The following MUSK variants were observed in gnomAD, a reference collection of about 807,000 sequenced individuals.
MUSK encodes muscle associated receptor tyrosine kinase.
A neutral mutation model predicts 88.7 loss-of-function variants in MUSK; 55 were observed. That is an observed-to-expected ratio of 0.62 (90% CI 0.50 to 0.78). The LOEUF (loss-of-function observed/expected upper bound fraction) is 0.78. Ranked by LOEUF, MUSK falls within the 30% of genes least tolerant of loss-of-function variation. The probability of loss-of-function intolerance (pLI) is 0.00; values close to 1 mark genes in which losing one functional copy is unlikely to be tolerated. For synonymous variants in MUSK, 387 were observed against 391.9 expected, an observed-to-expected ratio of 0.99 and a Z score of 0.15; for missense variants, 1,015 against 1,074.3, an observed-to-expected ratio of 0.94 and a Z score of 0.77.
In MUSK at chr9:110,800,193, A is replaced by G. The variant is rs186009594; in HGVS notation, c.1928-113A>G. On this transcript the variant is annotated intron_variant, in intron 14 of 14. Transcript: ENST00000374448. ...ATTAAAAAACAAACATACGACAACA[A>G]CAACAAAAAACAGGGCTTCATATGT... The G allele has an allele frequency of 2.1e-4, 199 of 963,158 alleles. 1 individual carries two copies. Among genetic ancestry groups the G allele is most frequent in the African/African-American group, 8.3e-4 (51 of 61,472 alleles). 59.7% of individuals were successfully genotyped at this position (963,158 alleles called of 1,614,324 possible).
rs1369684150 is a variant in MUSK at position 110,750,142 on chromosome 9, C to G, written c.913+2342C>G. The stretch of plus-strand genomic sequence containing the variant: ...ACTCCATCCAAGAAAATAAACTGAT[C>G]TACTTTAATTTAACCTGCACTTTCA... On this transcript the variant is annotated intron_variant, in intron 7 of 14. Coordinates refer to ENST00000374448, the MANE Select transcript of MUSK (RefSeq NM_005592.4). Among the ~76,000 whole-genome samples, 6 of 151,970 alleles carry G rather than the reference C, an allele frequency of 3.9e-5. No homozygotes were observed. In the East Asian group the frequency reaches 1.2e-3, roughly 29 times the overall value.
chr9:110,730,811 T>C (rs2076953833), intron 5 of MUSK, among the ~76,000 whole-genome samples: 1 of 152,128 alleles, frequency 6.6e-6, no homozygotes, highest in Admixed American at 6.6e-5. Flanking sequence ...TTATTGCTGA[T>C]AAGGCTGGAA....
chr9:110,688,175 T>C (rs760427889), intron 3 of MUSK, among the ~76,000 whole-genome samples: 8 of 152,144 alleles, frequency 5.3e-5, no homozygotes, highest in Non-Finnish European at 1.0e-4. Flanking sequence ...ATTCATCATG[T>C]CATCTGCTCT....
chr9:110,785,165 A>T (rs1355392038), intron 12 of MUSK, 149 bp downstream of exon 12: 8 of 730,130 alleles, frequency 1.1e-5, no homozygotes, highest in Non-Finnish European at 1.8e-5. Flanking sequence ...CCCCATCATG[A>T]TCTTTACAAA....
In MUSK at chr9:110,767,865, G is replaced by A. The variant is rs1283178802; in HGVS notation, c.966G>A (p.Gly322=). The A allele has an allele frequency of 6.2e-7, 1 of 1,613,898 alleles. No homozygotes were observed. Among genetic ancestry groups the A allele is most frequent in the African/African-American group, 1.3e-5 (1 of 74,912 alleles). ...AAGGCTACTGCGCCCAGTACAGAGG[G>A]GAGGTGTGTAATGCAGTCCTGGCAA... ...DNKGYCAQYR[G]EVCNAVLAKD... is the part of the protein sequence containing the mutation. The change falls in exon 9 of 15, where the codon GGG becomes GGA. Residue 322 remains glycine (G), a synonymous_variant. Transcript: ENST00000374448.
At chr9:110,753,988 C>A (rs988987100) in intron 7 of MUSK, among the ~76,000 whole-genome samples, 13 of 152,156 alleles carry the variant, frequency 8.5e-5, no homozygotes, top group Non-Finnish European at 1.3e-4. Context: ...GGAGATAATT[C>A]TTGAGACTTG....
intron 14 of MUSK, chr9:110,788,055 C>A: frequency 1.8e-6 from 1 of 541,430 alleles, no homozygotes. Flanking sequence ...CAATTTGTCT[C>A]TGTCTTTGCT....
Position 110,784,859 on chromosome 9 carries a change from A to C in MUSK, c.1429A>C (p.Asn477His). 6.2e-7 allele frequency: 1 copy of C among 1,613,804 alleles called. No individual in the cohort carries two copies. Among genetic ancestry groups the C allele is most frequent in the Non-Finnish European group, 8.5e-7 (1 of 1,179,810 alleles). ...CTCAAAGCCAAGTGTGGACATTCCA[A>C]ATCTGCCTTCCTCCTCCTCTTCTTC... ...TSSKPSVDIP[N>H]LPSSSSSSFS... Residue 477 changes from asparagine to histidine, a missense_variant, in exon 12 of 15, where the codon AAT (asparagine) becomes CAT (histidine). Asn to His is a moderately conservative substitution (Grantham distance 68, BLOSUM62 1). Coordinates refer to ENST00000374448, the MANE Select transcript of MUSK (RefSeq NM_005592.4).
intron 8 of MUSK, among the ~76,000 whole-genome samples, chr9:110,766,056 T>TC (rs775570130): frequency 2.0e-5 from 3 of 152,062 alleles, no homozygotes; most frequent in Non-Finnish European, 4.4e-5. Context: ...AGAGGTAGGA[T>TC]CCCTCTGGAA....
At chr9:110,790,603 A>G (rs941545789) in intron 14 of MUSK, among the ~76,000 whole-genome samples, 1 of 152,152 alleles carries the variant, frequency 6.6e-6, no homozygotes, top group Non-Finnish European at 1.5e-5. Context: ...AATTGGCTGG[A>G]GATTGTAGCC....
chr9:110,670,684 T>G (rs1335811745), intron 1 of MUSK, among the ~76,000 whole-genome samples: 2 of 152,166 alleles, frequency 1.3e-5, no homozygotes, highest in Non-Finnish European at 2.9e-5. Flanking sequence ...ACCAGATCAT[T>G]CACCCAATTT....
chr9:110,697,983 T>C (rs1429876328), intron 5 of MUSK, among the ~76,000 whole-genome samples: 56 of 152,302 alleles, frequency 3.7e-4, no homozygotes, highest in Non-Finnish European at 8.8e-5. Context: ...CAAAATCGTT[T>C]TTCTTTTCTT....
At chr9:110,763,629 A>AT (rs912518599) in intron 8 of MUSK, among the ~76,000 whole-genome samples, 1 of 152,218 alleles carries the variant, frequency 6.6e-6, no homozygotes, top group Non-Finnish European at 1.5e-5. Context: ...TCAAGGAGAG[A>AT]TAAGGCAGTT....
intron 11 of MUSK, among the ~76,000 whole-genome samples, chr9:110,778,986 G>A (rs2077710634): frequency 1.3e-5 from 2 of 151,792 alleles, no homozygotes; most frequent in Non-Finnish European, 2.9e-5. Flanking sequence ...CATGCTTTGT[G>A]TCCCAGACCA....
At chr9:110,732,229 G>A (rs2076974539) in intron 5 of MUSK, among the ~76,000 whole-genome samples, 1 of 151,942 alleles carries the variant, frequency 6.6e-6, no homozygotes, top group African/African-American at 2.4e-5. Flanking sequence ...ATCCATAGAT[G>A]GTCATGCAGT....
chr9:110,710,792 A>G (rs1475614318), intron 5 of MUSK, among the ~76,000 whole-genome samples: 1 of 152,184 alleles, frequency 6.6e-6, no homozygotes, highest in Non-Finnish European at 1.5e-5. Context: ...TCCTGAGCTT[A>G]TATCATATTT....
At chr9:110,709,096 C>T (rs948443641) in intron 5 of MUSK, among the ~76,000 whole-genome samples, 43 of 152,160 alleles carry the variant, frequency 2.8e-4, no homozygotes, top group African/African-American at 1.0e-3. Context: ...ACAGAGAAGG[C>T]CATGCCTCCA....
At position 110,697,348 on chromosome 9, in the gene MUSK, T is replaced by A; in HGVS notation, c.510T>A (p.Leu170=). The change falls in exon 5 of 15, where the codon CTT becomes CTA. Residue 170 remains leucine (L), a synonymous_variant. Transcript: ENST00000374448. ...PLRENSRIAV[L]ESGSLRIHNV... is the part of the protein sequence containing the mutation. ...AGGAAAATTCCCGAATTGCAGTTCT[T>A]GAATCTGGGAGCTTGAGGATTCATA... is the stretch of plus-strand genomic sequence containing the variant. The A allele has an allele frequency of 6.2e-7, 1 of 1,612,860 alleles. No homozygotes were observed. The highest frequency in any genetic ancestry group is 8.5e-7 in the Non-Finnish European group (1 of 1,179,228).
rs774327095 is a variant in MUSK, at chr9:110,800,591, T to C, written c.2213T>C (p.Val738Ala). 1.2e-6 allele frequency: 2 copies of C among 1,612,712 alleles called. No individual in the cohort carries two copies. Among genetic ancestry groups the C allele is most frequent in the East Asian group, 4.5e-5 (2 of 44,710 alleles). ...TRNCLVGENM[V>A]VKIADFGLSR... ...AACTGCCTGGTGGGCGAGAACATGG[T>C]GGTGAAAATTGCCGACTTTGGCCTC... Residue 738 changes from valine to alanine, a missense_variant, in exon 15 of 15, where the codon GTG becomes GCG. By Grantham distance (64) the Val-to-Ala change is moderately conservative. Coordinates refer to ENST00000374448, the MANE Select transcript of MUSK (RefSeq NM_005592.4).
Sources: allele counts gnomAD v4.1 joint callset (sites outside exome capture counted in the v4.1 genomes callset), GRCh38; gene constraint gnomAD v4.1.1; transcripts MANE v1.5; gene names NCBI Gene and HGNC (gene_info 2026-07-23, HGNC 2026-07-21).